The following NRCAM variants were observed in gnomAD, a reference collection of about 807,000 sequenced individuals.
NRCAM encodes the protein NgCAM-related cell adhesion molecule.
A neutral mutation model predicts 156.5 loss-of-function variants in NRCAM; 83 were observed. The ratio of observed to expected loss-of-function variants is 0.53; its 90% confidence interval spans 0.44 to 0.64. The LOEUF (loss-of-function observed/expected upper bound fraction) is 0.64, where lower values mean the gene tolerates loss of function less well. Ranked by LOEUF, NRCAM falls within the 30% of genes least tolerant of loss-of-function variation. The probability of loss-of-function intolerance (pLI) is 0.00; values close to 1 mark genes in which losing one functional copy is unlikely to be tolerated. For missense variants in NRCAM, 1,417 were observed against 1,597.3 expected, an observed-to-expected ratio of 0.89 and a Z score of 1.92; for synonymous variants, 538 against 563.9, an observed-to-expected ratio of 0.95 and a Z score of 0.65.
chr7:108,193,636 A>G (rs62469179), intron 17 of NRCAM, among the ~76,000 whole-genome samples: 6,624 of 152,300 alleles, frequency 0.043, 199 homozygotes, highest in Middle Eastern at 0.071. Context: ...TAAAATACTG[A>G]CAAGGATTTG....
intron 3 of NRCAM, among the ~76,000 whole-genome samples, chr7:108,252,721 A>C (rs966648017): frequency 1.3e-5 from 2 of 152,194 alleles, no homozygotes; most frequent in African/African-American, 4.8e-5. Context: ...AGATTTTATA[A>C]ATTGGACTAA....
At chr7:108,225,506 C>T (rs1018422304) in intron 10 of NRCAM, 139 bp downstream of exon 10, 10 of 686,062 alleles carry the variant, frequency 1.5e-5, no homozygotes, top group African/African-American at 8.9e-5. Flanking sequence ...TCATAAGAAA[C>T]ATACATTTAT....
At chr7:108,268,126 T>G (rs2097178005) in intron 3 of NRCAM, among the ~76,000 whole-genome samples, 1 of 152,218 alleles carries the variant, frequency 6.6e-6, no homozygotes, top group South Asian at 2.1e-4. Context: ...AAACACAACA[T>G]TCTTGCCATA....
intron 1 of NRCAM, among the ~76,000 whole-genome samples, chr7:108,433,008 G>T (rs1348203160): frequency 6.6e-6 from 1 of 152,178 alleles, no homozygotes; most frequent in African/African-American, 2.4e-5. Flanking sequence ...TGTCCATTTT[G>T]TGTTTTGGCC....
chr7:108,239,684 C>T (rs550342696), intron 4 of NRCAM, among the ~76,000 whole-genome samples: 1 of 152,272 alleles, frequency 6.6e-6, no homozygotes, highest in South Asian at 2.1e-4. Context: ...ACAACTCAAT[C>T]CTTCTCAGGC....
At chr7:108,264,649 C>T (rs2097019930) in intron 3 of NRCAM, among the ~76,000 whole-genome samples, 1 of 152,226 alleles carries the variant, frequency 6.6e-6, no homozygotes, top group African/African-American at 2.4e-5. Flanking sequence ...CTAATGGCAA[C>T]CCATTGCTTC....
intron 2 of NRCAM, among the ~76,000 whole-genome samples, chr7:108,330,371 TGGA>T (rs1308794433): frequency 3.9e-5 from 6 of 152,240 alleles, no homozygotes; most frequent in African/African-American, 1.4e-4. Flanking sequence ...AAGGGCTCAA[TGGA>T]GGAGAGACGA....
In NRCAM at chr7:108,177,480, G is replaced by A. The variant is rs565757432; in HGVS notation, c.2974+510C>T. The stretch of plus-strand genomic sequence containing the variant: ...CTACTAAAAATACAAAAAATTTGCC[G>A]GGCATGGTGGTGGGCGTCTGTAGTC... On this transcript the variant is annotated intron_variant, in intron 26 of 32. Transcript: ENST00000379028. Among the ~76,000 whole-genome samples, 233 of 152,082 alleles carry A rather than the reference G, an allele frequency of 1.5e-3. 4 individuals are homozygous for A. In the South Asian group the frequency reaches 0.036, roughly 24 times the overall value.
At chr7:108,310,146 C>A (rs2098782019) in intron 3 of NRCAM, among the ~76,000 whole-genome samples, 1 of 152,190 alleles carries the variant, frequency 6.6e-6, no homozygotes, top group Non-Finnish European at 1.5e-5. Flanking sequence ...ATTCTTCATA[C>A]ACAGCTTGCT....
At chr7:108,218,048 G>A (rs992882650) in intron 11 of NRCAM, among the ~76,000 whole-genome samples, 4 of 152,166 alleles carry the variant, frequency 2.6e-5, no homozygotes, top group South Asian at 2.1e-4. Context: ...CCCTGGTGGT[G>A]TAGGCACCCC....
intron 1 of NRCAM, among the ~76,000 whole-genome samples, chr7:108,415,683 C>G (rs1023214077): frequency 6.6e-6 from 1 of 152,116 alleles, no homozygotes; most frequent in African/African-American, 2.4e-5. Flanking sequence ...GAGTTTGAGA[C>G]CAGCCTGGCC....
In NRCAM at chr7:108,167,838, C is replaced by A. The variant is rs117457180; in HGVS notation, c.3313+439G>T. 3.5e-3 allele frequency among the ~76,000 whole-genome samples: 532 copies of A among 152,178 alleles called. 3 individuals carry two copies. Among genetic ancestry groups the A allele is most frequent in the Admixed American group, 7.5e-3 (114 of 15,274 alleles). Reference sequence around the variant, plus strand: ...GCTCTCCCAAAGTATTAATTTTCTGCGGTTTCTTATAAAATTCTGTTGGGC... The same window carrying A: ...GCTCTCCCAAAGTATTAATTTTCTGAGGTTTCTTATAAAATTCTGTTGGGC... On this transcript the variant is annotated intron_variant, in intron 29 of 32. Transcript: ENST00000379028.
At chr7:108,214,615 T>C (rs968834316) in intron 11 of NRCAM, among the ~76,000 whole-genome samples, 4 of 152,226 alleles carry the variant, frequency 2.6e-5, no homozygotes, top group African/African-American at 9.6e-5. Context: ...AGTTCTGCTC[T>C]GATCTTAGTT....
chr7:108,241,005 C>T (rs1370597244), intron 3 of NRCAM, among the ~76,000 whole-genome samples: 1 of 151,986 alleles, frequency 6.6e-6, no homozygotes, highest in Non-Finnish European at 1.5e-5. Flanking sequence ...ATTTCATTTG[C>T]CTTTATCCAC....
intron 3 of NRCAM, among the ~76,000 whole-genome samples, chr7:108,279,948 G>A (rs767756916): frequency 1.3e-5 from 2 of 152,162 alleles, no homozygotes; most frequent in Non-Finnish European, 2.9e-5. Context: ...TTTTAAAGAG[G>A]AGTCTGAGCA....
At chr7:108,254,054 T>A (rs1446131773) in intron 3 of NRCAM, among the ~76,000 whole-genome samples, 6 of 152,198 alleles carry the variant, frequency 3.9e-5, no homozygotes, top group Admixed American at 1.3e-4. Flanking sequence ...ATCCTTGGCA[T>A]AAAACATAAG....
intron 28 of NRCAM, among the ~76,000 whole-genome samples, chr7:108,172,983 A>ATTTTT (rs143144704): frequency 8.4e-6 from 1 of 118,774 alleles, no homozygotes; most frequent in Non-Finnish European, 1.7e-5. Flanking sequence ...TGAGATGTTG[A>ATTTTT]TTTTTTTTTT....
chr7:108,337,044 C>T (rs371729009), intron 2 of NRCAM, among the ~76,000 whole-genome samples: 3 of 152,128 alleles, frequency 2.0e-5, no homozygotes, highest in South Asian at 4.2e-4. Flanking sequence ...GAGGATGAAT[C>T]GCTTGAGGCC....
intron 3 of NRCAM, among the ~76,000 whole-genome samples, chr7:108,299,817 G>A (rs542527921): frequency 1.8e-4 from 28 of 152,284 alleles, no homozygotes; most frequent in South Asian, 4.2e-4. Flanking sequence ...TCCAAGCAGC[G>A]ATGTGGTGGT....
Sources: gnomAD v4.1 joint callset for allele counts (sites outside exome capture counted in the v4.1 genomes callset) on GRCh38, gnomAD v4.1.1 for gene constraint, MANE v1.5 for transcripts, NCBI Gene and HGNC (gene_info 2026-07-23, HGNC 2026-07-21) for gene names.